Variants in PDZRN4 observed in about 807,000 individuals in gnomAD.
The protein encoded by PDZRN4 is PDZ domain-containing RING finger protein 4.
In PDZRN4, 70 loss-of-function variants were observed where a neutral mutation model predicts 99.0. That is an observed-to-expected ratio of 0.71 (90% CI 0.58 to 0.86). The LOEUF (loss-of-function observed/expected upper bound fraction) is 0.86, where lower values mean the gene tolerates loss of function less well. PDZRN4 is among the 40% of genes least tolerant of loss of function. The pLI is 0.00. For missense variants in PDZRN4, 1,474 were observed against 1,331.2 expected (o/e 1.11, Z -1.67); for synonymous variants, 551 against 501.6 (o/e 1.10, Z -1.32).
intron 3 of PDZRN4, among the ~76,000 whole-genome samples, chr12:41,399,069 A>G (rs1010735125): frequency 6.6e-6 from 1 of 152,164 alleles, no homozygotes; most frequent in Non-Finnish European, 1.5e-5. Flanking sequence ...GATCTTAGCT[A>G]AAAAACAGAA....
chr12:41,322,335 T>C (rs960384613), intron 3 of PDZRN4, among the ~76,000 whole-genome samples: 7 of 152,016 alleles, frequency 4.6e-5, no homozygotes, highest in East Asian at 1.9e-4. Flanking sequence ...TCCTCAAAAT[T>C]TTTGTAGGTA....
chr12:41,288,040 G>A (rs1459148868), intron 3 of PDZRN4, among the ~76,000 whole-genome samples: 1 of 152,148 alleles, frequency 6.6e-6, no homozygotes, highest in East Asian at 1.9e-4. Context: ...TCCGCCTGCT[G>A]CAACGTGATG....
In PDZRN4 at chr12:41,419,432, A is replaced by T. The variant is rs12231433; in HGVS notation, c.844-87024A>T. Among the ~76,000 whole-genome samples, 586 of 152,276 alleles carry T rather than the reference A, an allele frequency of 3.8e-3. 18 individuals carry two copies. The East Asian group carries it at 0.091, about 24-fold the overall frequency. Reference sequence around the variant, plus strand: ...CCCTCAGACAGCTGGTCCAGTAACTATACACTAGCCAATCTTGGGAGAGAG... The same window carrying T: ...CCCTCAGACAGCTGGTCCAGTAACTTTACACTAGCCAATCTTGGGAGAGAG... On this transcript the variant is annotated intron_variant, in intron 3 of 9. Transcript: ENST00000402685.
intron 9 of PDZRN4, among the ~76,000 whole-genome samples, chr12:41,568,112 G>A (rs549437998): frequency 1.3e-5 from 2 of 152,270 alleles, no homozygotes; most frequent in Admixed American, 6.5e-5. Flanking sequence ...GAAGCTTGGG[G>A]ACAATTGTTA....
At chr12:41,454,153 G>T (rs1306735575) in intron 3 of PDZRN4, among the ~76,000 whole-genome samples, 1 of 151,990 alleles carries the variant, frequency 6.6e-6, no homozygotes, top group African/African-American at 2.4e-5. Context: ...ATTTTGGAAG[G>T]CTCAATCTTC....
chr12:41,241,055 C>T (rs976277772), intron 3 of PDZRN4, among the ~76,000 whole-genome samples: 7 of 152,056 alleles, frequency 4.6e-5, no homozygotes, highest in African/African-American at 1.7e-4. Flanking sequence ...TCTTTTAGCT[C>T]TTTCCTTATT....
chr12:41,195,109 CT>C (rs1950762825), intron 3 of PDZRN4, among the ~76,000 whole-genome samples: 1 of 152,096 alleles, frequency 6.6e-6, no homozygotes, highest in Admixed American at 6.6e-5. Flanking sequence ...CACCTATATG[CT>C]AGTAAAATTG....
chr12:41,567,442 T>A lies in PDZRN4; in HGVS notation c.1468-341T>A, dbSNP rs144253003. Among the ~76,000 whole-genome samples, 391 of 152,260 alleles carry A rather than the reference T, an allele frequency of 2.6e-3. 2 individuals are homozygous for A. Among genetic ancestry groups the A allele is most frequent in the African/African-American group, 9.0e-3 (376 of 41,558 alleles). On this transcript the variant is annotated intron_variant, in intron 8 of 9. Coordinates refer to ENST00000402685, the MANE Select transcript of PDZRN4 (RefSeq NM_001164595.2). ...CCAATTAGTAGCATGGCAGTCCTTT[T>A]AACACGGGACTGTTGGAGGTAATGA... is the stretch of plus-strand genomic sequence containing the variant.
intron 3 of PDZRN4, among the ~76,000 whole-genome samples, chr12:41,241,188 A>G (rs2120783064): frequency 6.6e-6 from 1 of 152,268 alleles, no homozygotes; most frequent in South Asian, 2.1e-4. Flanking sequence ...CTAAAATTGA[A>G]AATTGCAGAT....
intron 5 of PDZRN4, among the ~76,000 whole-genome samples, chr12:41,537,778 G>T (rs1366775005): frequency 6.6e-6 from 1 of 152,096 alleles, no homozygotes; most frequent in East Asian, 1.9e-4. Context: ...GAAAGTAAGG[G>T]GGAAAAGATA....
chr12:41,357,355 T>A (rs1384066448), intron 3 of PDZRN4, among the ~76,000 whole-genome samples: 1 of 151,948 alleles, frequency 6.6e-6, no homozygotes, highest in Non-Finnish European at 1.5e-5. Context: ...ACTATATACA[T>A]CTACATAAGA....
At chr12:41,296,811 T>G (rs1951497740) in intron 3 of PDZRN4, among the ~76,000 whole-genome samples, 1 of 151,810 alleles carries the variant, frequency 6.6e-6, no homozygotes, top group Admixed American at 6.6e-5. Context: ...AATACAAAAA[T>G]TAGCCAGTCA....
chr12:41,227,361 C>T (rs193051982), intron 3 of PDZRN4, among the ~76,000 whole-genome samples: 3 of 152,180 alleles, frequency 2.0e-5, no homozygotes, highest in East Asian at 3.9e-4. Context: ...AATGACCTAA[C>T]CAGTTGCAAA....
chr12:41,334,511 C>A (rs1951761147), intron 3 of PDZRN4, among the ~76,000 whole-genome samples: 1 of 152,096 alleles, frequency 6.6e-6, no homozygotes, highest in Non-Finnish European at 1.5e-5. Flanking sequence ...ACCTCCTTAT[C>A]TCCAAATCAG....
At chr12:41,310,050 A>G (rs1428786689) in intron 3 of PDZRN4, among the ~76,000 whole-genome samples, 1 of 152,004 alleles carries the variant, frequency 6.6e-6, no homozygotes, top group African/African-American at 2.4e-5. Flanking sequence ...CTTTTGTCTC[A>G]GCCTCCTGAG....
At chr12:41,535,668 C>A (rs1396144645) in intron 5 of PDZRN4, among the ~76,000 whole-genome samples, 1 of 152,072 alleles carries the variant, frequency 6.6e-6, no homozygotes, top group African/African-American at 2.4e-5. Flanking sequence ...CTCACAAATG[C>A]GTTAATGCTC....
chr12:41,541,937 A>G (rs1938865100), intron 5 of PDZRN4, among the ~76,000 whole-genome samples: 1 of 152,222 alleles, frequency 6.6e-6, no homozygotes, highest in Non-Finnish European at 1.5e-5. Flanking sequence ...TATGTCTTCA[A>G]AGTGACTTTT....
intron 3 of PDZRN4, among the ~76,000 whole-genome samples, chr12:41,354,813 C>T (rs1265322038): frequency 6.6e-6 from 1 of 152,064 alleles, no homozygotes; most frequent in Non-Finnish European, 1.5e-5. Context: ...CAGGACACTC[C>T]TCCATCACAT....
chr12:41,245,353 TTATATGCCTGATACTA>T (rs1951127419), intron 3 of PDZRN4, among the ~76,000 whole-genome samples: 1 of 152,162 alleles, frequency 6.6e-6, no homozygotes, highest in African/African-American at 2.4e-5. Flanking sequence ...CACATATCGA[TTATATGCCTGATACTA>T]TTTCAATCCT....
Sources: allele counts gnomAD v4.1 joint callset (sites outside exome capture counted in the v4.1 genomes callset), GRCh38; gene constraint gnomAD v4.1.1; transcripts MANE v1.5; gene names NCBI Gene and HGNC (gene_info 2026-07-23, HGNC 2026-07-21).